DPP6: variants seen among roughly 807,000 people sequenced by gnomAD.
DPP6 encodes the protein dipeptidyl peptidase like 6, also known as A-type potassium channel modulatory protein DPP6.
Under a neutral mutation model 122.6 loss-of-function variants are expected in DPP6, and 69 were observed. The observed-to-expected ratio is 0.56, with a 90% CI of 0.46 to 0.69. The LOEUF (loss-of-function observed/expected upper bound fraction) is 0.69, where lower values mean the gene tolerates loss of function less well. Ranked by LOEUF, DPP6 falls within the 30% of genes least tolerant of loss-of-function variation. DPP6 has a pLI of 0.00. For missense variants in DPP6, 928 were observed against 1,116.9 expected, an observed-to-expected ratio of 0.83 and a Z score of 2.41; for synonymous variants, 418 against 433.1, an observed-to-expected ratio of 0.97 and a Z score of 0.43.
At chr7:154,568,529 G>C (rs1830908863) in intron 5 of DPP6, among the ~76,000 whole-genome samples, 1 of 152,148 alleles carries the variant, frequency 6.6e-6, no homozygotes, top group Non-Finnish European at 1.5e-5. Context: ...ATCGGAAGAG[G>C]CGTGCTCTAG....
intron 1 of DPP6, among the ~76,000 whole-genome samples, chr7:154,245,367 G>A (rs1218916265): frequency 6.6e-6 from 1 of 151,774 alleles, no homozygotes; most frequent in East Asian, 2.0e-4. Flanking sequence ...AGGCATGGTG[G>A]CTCAGGTCTG....
intron 10 of DPP6, among the ~76,000 whole-genome samples, chr7:154,788,263 G>A (rs1004469974): frequency 6.6e-6 from 1 of 152,000 alleles, no homozygotes; most frequent in African/African-American, 2.4e-5. Context: ...GGCCAACAAG[G>A]CGAAACCCCC....
At chr7:153,824,573 A>G in the DPP6 span, among the ~76,000 whole-genome samples, 1 of 151,814 alleles carries the variant, frequency 6.6e-6, no homozygotes, top group Non-Finnish European at 1.5e-5. Context: ...AGTCTCAGCC[A>G]CTCGGGAGGC....
the DPP6 span, among the ~76,000 whole-genome samples, chr7:153,851,384 C>A: frequency 6.6e-6 from 1 of 152,000 alleles, no homozygotes; most frequent in East Asian, 1.9e-4. Flanking sequence ...TGGATGGTAC[C>A]CTGATTAAGT....
chr7:154,861,808 G>A (rs867010442), intron 17 of DPP6, among the ~76,000 whole-genome samples: 3 of 152,152 alleles, frequency 2.0e-5, no homozygotes, highest in South Asian at 4.2e-4. Context: ...AGAAACGTGT[G>A]CGCTCCTGGT....
chr7:154,565,935 G>A (rs6972485), intron 4 of DPP6, among the ~76,000 whole-genome samples: 39,753 of 152,150 alleles, frequency 0.26, 5,559 homozygotes, highest in Admixed American at 0.35. Context: ...GGGGGTGGGT[G>A]TGGGTATCTG....
chr7:153,909,102 A>AATAC (rs1271821978), intron 1 of DPP6, among the ~76,000 whole-genome samples: 2 of 152,168 alleles, frequency 1.3e-5, no homozygotes, highest in Non-Finnish European at 2.9e-5. Context: ...AGCATCAAGA[A>AATAC]ATACATTCCT....
chr7:154,503,633 C>A (rs1243822719), intron 3 of DPP6, among the ~76,000 whole-genome samples: 1 of 152,080 alleles, frequency 6.6e-6, no homozygotes, highest in East Asian at 1.9e-4. Flanking sequence ...AGTAAAGGAG[C>A]ATTTCAAGAA....
chr7:154,801,201 A>G (rs1798343319), intron 12 of DPP6, among the ~76,000 whole-genome samples, 154 bp from the exon 13 acceptor site: 1 of 152,136 alleles, frequency 6.6e-6, no homozygotes, highest in African/African-American at 2.4e-5. Context: ...TTCCCGAGGA[A>G]AGTGACGGCC....
intron 1 of DPP6, among the ~76,000 whole-genome samples, chr7:153,994,504 A>G (rs1468087011): frequency 6.6e-6 from 1 of 152,078 alleles, no homozygotes; most frequent in Non-Finnish European, 1.5e-5. Flanking sequence ...CAGGGTCTAG[A>G]AAGAGCCATC....
chr7:154,827,774 C>T (rs1469008715), intron 16 of DPP6, among the ~76,000 whole-genome samples: 2 of 127,010 alleles, frequency 1.6e-5, no homozygotes, highest in Non-Finnish European at 3.3e-5. Context: ...GGGGGTGTCT[C>T]CCAGAAAGGA....
intron 6 of DPP6, among the ~76,000 whole-genome samples, chr7:154,658,829 T>C (rs1210671987): frequency 3.0e-4 from 45 of 152,222 alleles, no homozygotes; most frequent in Non-Finnish European, 4.4e-5. Context: ...TGGGAATGGT[T>C]AGTGGTCAGC....
At chr7:154,870,017 T>C (rs1205828804) in intron 18 of DPP6, among the ~76,000 whole-genome samples, 1 of 151,748 alleles carries the variant, frequency 6.6e-6, no homozygotes, top group African/African-American at 2.4e-5. Flanking sequence ...TCTCACTCTG[T>C]CCCCCAGGCT....
chr7:154,460,810 A>C (rs1017585979), intron 2 of DPP6, among the ~76,000 whole-genome samples: 1 of 152,230 alleles, frequency 6.6e-6, no homozygotes, highest in African/African-American at 2.4e-5. Flanking sequence ...TAAATAGAGT[A>C]TCCATCCCCT....
chr7:154,768,426 G>A (rs1046843176), intron 8 of DPP6, among the ~76,000 whole-genome samples: 3 of 152,142 alleles, frequency 2.0e-5, no homozygotes, highest in African/African-American at 4.8e-5. Flanking sequence ...TTTATGGTAC[G>A]CACCTAATAA....
intron 7 of DPP6, among the ~76,000 whole-genome samples, chr7:154,670,165 G>A (rs1044309045): frequency 1.5e-4 from 6 of 40,888 alleles, no homozygotes; most frequent in African/African-American, 2.4e-4. Context: ...CAGCCTCTGC[G>A]GAGGGTTTTT....
chr7:154,693,172 C>A (rs1227763274), intron 7 of DPP6, among the ~76,000 whole-genome samples: 1 of 151,966 alleles, frequency 6.6e-6, no homozygotes, highest in Non-Finnish European at 1.5e-5. Context: ...ATTTGGCTCC[C>A]CTAAAATTCA....
chr7:154,243,236 G>A (rs573169968), intron 1 of DPP6, among the ~76,000 whole-genome samples: 3 of 152,174 alleles, frequency 2.0e-5, no homozygotes, highest in Admixed American at 6.5e-5. Flanking sequence ...TTAAAAAATT[G>A]CTAGAGTTTC....
At chr7:153,807,424 C>CA in the DPP6 span, among the ~76,000 whole-genome samples, 1 of 145,164 alleles carries the variant, frequency 6.9e-6, no homozygotes, top group African/African-American at 2.6e-5. Flanking sequence ...AACAAACAAA[C>CA]AAACAAAAAA....
Sources: gnomAD v4.1 joint callset for allele counts (sites outside exome capture counted in the v4.1 genomes callset) on GRCh38, gnomAD v4.1.1 for gene constraint, MANE v1.5 for transcripts, NCBI Gene and HGNC (gene_info 2026-07-23, HGNC 2026-07-21) for gene names.